The following SCHIP1 variants were observed in gnomAD, a reference collection of about 807,000 sequenced individuals.
The protein encoded by SCHIP1 is schwannomin interacting protein 1.
A neutral mutation model predicts 29.7 loss-of-function variants in SCHIP1; 8 were observed. The ratio of observed to expected loss-of-function variants is 0.27; its 90% CI spans 0.16 to 0.49. SCHIP1 has a LOEUF of 0.49. Ranked by LOEUF, SCHIP1 falls within the 20% of genes least tolerant of loss-of-function variation. The pLI, the probability that SCHIP1 is intolerant of heterozygous loss-of-function variation, is 0.99. For synonymous variants in SCHIP1, 76 were observed against 94.9 expected (o/e 0.80, Z 1.16); for missense variants, 193 against 294.6 (o/e 0.66, Z 2.52).
the SCHIP1 span, among the ~76,000 whole-genome samples, chr3:159,446,223 AACACAC>A: frequency 1.3e-5 from 2 of 151,316 alleles, no homozygotes; most frequent in African/African-American, 4.9e-5. Flanking sequence ...CATACATGCA[AACACAC>A]ACACACACAT....
At chr3:159,349,596 C>G in the SCHIP1 span, among the ~76,000 whole-genome samples, 1 of 152,150 alleles carries the variant, frequency 6.6e-6, no homozygotes, top group African/African-American at 2.4e-5. Context: ...CTACTACAAT[C>G]TGTTCTTATT....
chr3:159,889,214 C>T (rs968717286), intron 5 of SCHIP1, among the ~76,000 whole-genome samples: 3 of 152,202 alleles, frequency 2.0e-5, no homozygotes, highest in Non-Finnish European at 4.4e-5. Context: ...ATGTACCTGA[C>T]TTACAACACC....
chr3:159,764,537 C>G, the SCHIP1 span: 4 of 1,590,290 alleles, frequency 2.5e-6, no homozygotes, highest in African/African-American at 5.4e-5. This position sits in a 1 kb window ranked among gnomAD's most constrained non-coding sequence, Gnocchi z 6.1. Flanking sequence ...ACCAAAGTGA[C>G]CCCTTGCTCC....
chr3:159,794,084 G>T, the SCHIP1 span, among the ~76,000 whole-genome samples: 1 of 152,204 alleles, frequency 6.6e-6, no homozygotes, highest in Non-Finnish European at 1.5e-5. Context: ...TTTGCCATGT[G>T]AAGTAGCATA....
chr3:159,550,986 T>C, the SCHIP1 span, among the ~76,000 whole-genome samples: 5 of 152,234 alleles, frequency 3.3e-5, no homozygotes, highest in East Asian at 1.9e-4. Flanking sequence ...TTTTATTATG[T>C]TATTTAAAAT....
chr3:159,885,863 T>C (rs1045133505), intron 2 of SCHIP1, among the ~76,000 whole-genome samples: 2 of 152,256 alleles, frequency 1.3e-5, no homozygotes, highest in African/African-American at 4.8e-5. Flanking sequence ...CAGCCTTATT[T>C]GCCCGAGGAC....
the SCHIP1 span, among the ~76,000 whole-genome samples, chr3:159,734,744 C>T: frequency 1.3e-5 from 2 of 150,260 alleles, no homozygotes; most frequent in East Asian, 1.9e-4. Context: ...CCCCAGAACT[C>T]GGCATAGGCT....
At chr3:159,680,689 ATATATATAATATATAT>A in the SCHIP1 span, among the ~76,000 whole-genome samples, 1 of 50,144 alleles carries the variant, frequency 2.0e-5, no homozygotes. Flanking sequence ...TAATATATGT[ATATATATAATATATAT>A]TATATATAAT....
chr3:159,482,983 T>C, the SCHIP1 span, among the ~76,000 whole-genome samples: 1 of 152,306 alleles, frequency 6.6e-6, no homozygotes, highest in African/African-American at 2.4e-5. Context: ...TCAAAATTCC[T>C]AAAACTATTT....
chr3:159,451,044 G>A, the SCHIP1 span, among the ~76,000 whole-genome samples: 2 of 152,140 alleles, frequency 1.3e-5, no homozygotes, highest in East Asian at 1.9e-4. Flanking sequence ...TCCTGACCTC[G>A]TGATCCGCCT....
chr3:159,674,091 C>T, the SCHIP1 span, among the ~76,000 whole-genome samples: 2 of 152,110 alleles, frequency 1.3e-5, no homozygotes, highest in African/African-American at 2.4e-5. Context: ...AAGTTATTTC[C>T]AAATATAACT....
chr3:159,474,102 A>T, the SCHIP1 span, among the ~76,000 whole-genome samples: 1 of 152,138 alleles, frequency 6.6e-6, no homozygotes, highest in Non-Finnish European at 1.5e-5. Context: ...TCTCCTTTTA[A>T]GCATTTTTCA....
the SCHIP1 span, among the ~76,000 whole-genome samples, chr3:159,582,275 A>C: frequency 1.2e-4 from 19 of 152,096 alleles, no homozygotes; most frequent in East Asian, 3.5e-3. Flanking sequence ...GGCTCAAGAA[A>C]TCTCCCACCT....
the SCHIP1 span, among the ~76,000 whole-genome samples, chr3:159,684,314 A>G: frequency 4.6e-5 from 7 of 152,264 alleles, no homozygotes; most frequent in South Asian, 2.1e-4. Context: ...CTTTCCTTCA[A>G]AAACCCTAAT....
Position 159,875,018 on chromosome 3 carries a change from T to TAAA in SCHIP1, c.149+8749_149+8751dup, listed in dbSNP as rs532553787. Among the ~76,000 whole-genome samples, 1,113 of 120,528 alleles carry TAAA rather than the reference T, an allele frequency of 9.2e-3. 23 individuals carry two copies. Among genetic ancestry groups the TAAA allele is most frequent in the Non-Finnish European group, 0.012 (715 of 58,546 alleles). The allele number at this position is 120,528 out of a possible 152,430, so 79.1% of individuals were successfully genotyped here. On this transcript the variant is annotated intron_variant, in intron 2 of 6. Coordinates refer to ENST00000445224, the Ensembl canonical transcript of SCHIP1. ...CTATTTGAAAGGCCACTGGGTAGTC[T>TAAA]AAAAAAAAAAAAAACAAAAACTATC...
the SCHIP1 span, among the ~76,000 whole-genome samples, chr3:159,715,946 T>G: frequency 6.6e-6 from 1 of 152,136 alleles, no homozygotes; most frequent in Non-Finnish European, 1.5e-5. Context: ...GACACATAAT[T>G]GTCAGATTCA....
At chr3:159,486,776 A>T in the SCHIP1 span, among the ~76,000 whole-genome samples, 1 of 152,224 alleles carries the variant, frequency 6.6e-6, no homozygotes, top group African/African-American at 2.4e-5. Context: ...GGCTCCTTCC[A>T]TCTACCTGGT....
At chr3:159,688,722 T>C in the SCHIP1 span, among the ~76,000 whole-genome samples, 1 of 152,226 alleles carries the variant, frequency 6.6e-6, no homozygotes, top group African/African-American at 2.4e-5. Context: ...AGGGTTTTTA[T>C]GGTTTTAGGT....
intron 1 of SCHIP1, among the ~76,000 whole-genome samples, chr3:159,853,975 G>A (rs1327570807): frequency 6.6e-6 from 1 of 152,034 alleles, no homozygotes; most frequent in African/African-American, 2.4e-5. Flanking sequence ...TGTTTTATAT[G>A]GTAATGTTCT....
Sources: gnomAD v4.1 joint callset for allele counts (sites outside exome capture counted in the v4.1 genomes callset) on GRCh38, gnomAD v4.1.1 for gene constraint, Gnocchi (gnomAD v3.1) non-coding constraint, MANE v1.5 for transcripts, NCBI Gene and HGNC (gene_info 2026-07-23, HGNC 2026-07-21) for gene names.